CSMD1: variants seen among roughly 807,000 people sequenced by gnomAD.
The protein encoded by CSMD1 is CUB and Sushi multiple domains 1.
A neutral mutation model predicts 417.5 loss-of-function variants in CSMD1; 213 were observed. That is an observed-to-expected ratio of 0.51 (90% CI 0.46 to 0.57). CSMD1 has a LOEUF of 0.57. Among genes scored for constraint, CSMD1 ranks in the 20% least tolerant of loss-of-function variants. CSMD1 has a pLI of 0.00. For missense variants in CSMD1, 6,923 were observed against 4,529.7 expected (o/e 1.53, Z -15.17); for synonymous variants, 2,862 against 1,736.8 (o/e 1.65, Z -16.11).
At chr8:4,297,440 A>T (rs1436818019) in intron 3 of CSMD1, among the ~76,000 whole-genome samples, 2 of 152,222 alleles carry the variant, frequency 1.3e-5, no homozygotes, top group Non-Finnish European at 2.9e-5. Context: ...AAGGAAAAAC[A>T]GACATCAGTT....
At chr8:3,468,242 C>T (rs1033334384) in intron 12 of CSMD1, among the ~76,000 whole-genome samples, 1 of 152,160 alleles carries the variant, frequency 6.6e-6, no homozygotes, top group East Asian at 1.9e-4. Context: ...TTTTCTATAA[C>T]TTGTAAAGTT....
chr8:4,340,922 G>T (rs1057360771), intron 3 of CSMD1, among the ~76,000 whole-genome samples: 1 of 152,022 alleles, frequency 6.6e-6, no homozygotes, highest in Admixed American at 6.6e-5. Context: ...CAAGCGGAGA[G>T]ATTTCTAGGC....
chr8:4,001,962 A>G (rs1361495829), intron 4 of CSMD1, among the ~76,000 whole-genome samples: 2 of 152,204 alleles, frequency 1.3e-5, no homozygotes. Flanking sequence ...TGTCCATAGA[A>G]TATTCCGGAA....
At chr8:4,283,162 C>G (rs1056519830) in intron 3 of CSMD1, among the ~76,000 whole-genome samples, 2 of 152,076 alleles carry the variant, frequency 1.3e-5, no homozygotes, top group East Asian at 1.9e-4. Flanking sequence ...TGTGAAGGTA[C>G]GTTGAGAGTC....
intron 2 of CSMD1, among the ~76,000 whole-genome samples, chr8:4,479,892 G>A (rs1800995053): frequency 6.6e-6 from 1 of 151,652 alleles, no homozygotes. Context: ...CTTGAACCTG[G>A]GAGGCAGAGG....
chr8:3,095,621 T>C (rs964806640), intron 47 of CSMD1, among the ~76,000 whole-genome samples: 1 of 152,222 alleles, frequency 6.6e-6, no homozygotes, highest in African/African-American at 2.4e-5. Context: ...GTAAAGTGAA[T>C]ACAAACACAC....
chr8:3,121,256 G>C (rs986216125), intron 41 of CSMD1, among the ~76,000 whole-genome samples: 1 of 152,144 alleles, frequency 6.6e-6, no homozygotes, highest in African/African-American at 2.4e-5. Context: ...ACTATAGTCA[G>C]CAGGTTAAAA....
At chr8:4,476,781 G>C (rs1328312297) in intron 2 of CSMD1, among the ~76,000 whole-genome samples, 6 of 152,140 alleles carry the variant, frequency 3.9e-5, no homozygotes, top group South Asian at 2.1e-4. Flanking sequence ...ATGGCACAGA[G>C]AGCACCTGAC....
intron 26 of CSMD1, among the ~76,000 whole-genome samples, chr8:3,283,263 T>G (rs1048461179): frequency 2.0e-5 from 3 of 152,138 alleles, no homozygotes; most frequent in Admixed American, 2.0e-4. Flanking sequence ...GCAGGTTGTT[T>G]GCAGAGAGAC....
At chr8:4,696,285 G>A (rs1201892938) in intron 1 of CSMD1, among the ~76,000 whole-genome samples, 3 of 152,164 alleles carry the variant, frequency 2.0e-5, no homozygotes, top group African/African-American at 7.2e-5. Context: ...AAAGTACTCT[G>A]TGTCCATTTA....
intron 1 of CSMD1, among the ~76,000 whole-genome samples, chr8:4,672,228 A>G (rs935046178): frequency 7.2e-5 from 11 of 152,176 alleles, no homozygotes; most frequent in African/African-American, 2.2e-4. Flanking sequence ...AGAGAAGGTT[A>G]TATGTGCACA....
chr8:4,002,214 TG>T lies in CSMD1; in HGVS notation c.611-4105del, dbSNP rs112967095. On this transcript the variant is annotated intron_variant, in intron 4 of 69. Coordinates refer to ENST00000635120, the MANE Select transcript of CSMD1 (RefSeq NM_033225.6). ...GTGTTGGTGCCTGTGAGTGTGTGTG[TG>T]TGAGTGTGTGTGCATGTGTGTGCGT... 7.7e-3 allele frequency among the ~76,000 whole-genome samples: 1,164 copies of T among 151,866 alleles called. 58 individuals are homozygous for T. The East Asian group carries it at 0.13, about 17-fold the overall frequency.
intron 26 of CSMD1, among the ~76,000 whole-genome samples, chr8:3,262,065 C>A (rs919651441): frequency 2.0e-5 from 3 of 151,126 alleles, no homozygotes; most frequent in African/African-American, 7.3e-5. Flanking sequence ...CTATGATTAC[C>A]CCAAAGTAAA....
In CSMD1 at chr8:3,316,022, A is replaced by AC. The variant is rs572644126; in HGVS notation, c.3632-7520_3632-7519insG. 1.3e-3 allele frequency among the ~76,000 whole-genome samples: 202 copies of AC among 152,204 alleles called. 1 individual carries two copies. The highest frequency in any genetic ancestry group is 4.6e-3 in the African/African-American group (193 of 41,522). Reference sequence around the variant, plus strand: ...ATTCAAATTATTCACTTTCTCACTGATTTTTTTACCACTATGCACGTATGT... The same window carrying AC: ...ATTCAAATTATTCACTTTCTCACTGACTTTTTTTACCACTATGCACGTATGT... On this transcript the variant is annotated intron_variant, in intron 23 of 69. Coordinates refer to ENST00000635120, the MANE Select transcript of CSMD1 (RefSeq NM_033225.6).
At chr8:4,918,682 A>T (rs779673112) in intron 1 of CSMD1, among the ~76,000 whole-genome samples, 41 of 152,340 alleles carry the variant, frequency 2.7e-4, no homozygotes, top group Non-Finnish European at 5.3e-4. Flanking sequence ...CAGTGAAATA[A>T]ACTTATTATT....
chr8:4,551,104 T>C (rs1188107005), intron 2 of CSMD1, among the ~76,000 whole-genome samples: 1 of 152,216 alleles, frequency 6.6e-6, no homozygotes, highest in Non-Finnish European at 1.5e-5. Context: ...AATGTGGTTA[T>C]AATTACCTAA....
intron 3 of CSMD1, among the ~76,000 whole-genome samples, chr8:4,155,068 C>T (rs1052960401): frequency 3.3e-5 from 5 of 152,194 alleles, no homozygotes; most frequent in Admixed American, 1.3e-4. Context: ...GTTCCAGGCC[C>T]GATTTGTGCT....
chr8:3,744,924 G>C (rs766409096), intron 6 of CSMD1, among the ~76,000 whole-genome samples: 5 of 152,212 alleles, frequency 3.3e-5, no homozygotes, highest in African/African-American at 9.6e-5. Flanking sequence ...GCCTGAAGCA[G>C]ACTGAGGTTT....
At chr8:3,375,036 T>C (rs1432789380) in intron 18 of CSMD1, 1 of 152,174 alleles carries the variant, frequency 6.6e-6, no homozygotes, top group Non-Finnish European at 1.5e-5. Context: ...GAGGAGCTGG[T>C]GATGATACAC....
Sources: allele counts gnomAD v4.1 joint callset (sites outside exome capture counted in the v4.1 genomes callset), GRCh38; gene constraint gnomAD v4.1.1; transcripts MANE v1.5; gene names NCBI Gene and HGNC (gene_info 2026-07-23, HGNC 2026-07-21).